The following MATCAP2 variants were observed in gnomAD, a reference collection of about 807,000 sequenced individuals.
MATCAP2 encodes the protein microtubule associated tyrosine carboxypeptidase 2, also known as putative tyrosine carboxypeptidase MATCAP2.
At chr7:36,370,638 C>T in the MATCAP2 span, among the ~76,000 whole-genome samples, 4 of 152,044 alleles carry the variant, frequency 2.6e-5, no homozygotes, top group African/African-American at 7.2e-5. Flanking sequence ...TGCGCCACCA[C>T]ACCCGGCTAA....
At chr7:36,380,886 C>CA in the MATCAP2 span, among the ~76,000 whole-genome samples, 1 of 152,194 alleles carries the variant, frequency 6.6e-6, no homozygotes, top group Non-Finnish European at 1.5e-5. Flanking sequence ...TGCTTCACTG[C>CA]ACCCAGCTAA....
chr7:36,328,269 G>A, the MATCAP2 span, among the ~76,000 whole-genome samples: 1 of 138,618 alleles, frequency 7.2e-6, no homozygotes, highest in Non-Finnish European at 1.5e-5. Context: ...ATGTTGCCCA[G>A]GCTGGTCTCG....
the MATCAP2 span, among the ~76,000 whole-genome samples, chr7:36,333,197 T>C: frequency 1.3e-5 from 2 of 152,126 alleles, no homozygotes; most frequent in African/African-American, 4.8e-5. Context: ...ATGATCAAAA[T>C]ATTGATACAT....
the MATCAP2 span, chr7:36,335,320 A>G: frequency 1.3e-6 from 1 of 799,650 alleles, no homozygotes; most frequent in Non-Finnish European, 2.0e-6. Context: ...ACCAAGAAGG[A>G]ATGTGCAGCC....
the MATCAP2 span, among the ~76,000 whole-genome samples, chr7:36,366,169 C>T: frequency 6.6e-6 from 1 of 152,160 alleles, no homozygotes; most frequent in Non-Finnish European, 1.5e-5. Flanking sequence ...CGTCATAATT[C>T]TGAACTGCCA....
the MATCAP2 span, among the ~76,000 whole-genome samples, chr7:36,365,577 G>A: frequency 6.6e-6 from 1 of 152,174 alleles, no homozygotes; most frequent in African/African-American, 2.4e-5. Flanking sequence ...GCATGCGTCT[G>A]TAATCCCAGC....
the MATCAP2 span, chr7:36,390,282 C>T: frequency 1.6e-6 from 1 of 607,406 alleles, no homozygotes; most frequent in South Asian, 2.1e-5. Context: ...TTGAGTCTGT[C>T]CTAAAAGGCT....
chr7:36,356,594 G>C, the MATCAP2 span: 3 of 525,588 alleles, frequency 5.7e-6, no homozygotes, highest in Non-Finnish European at 1.0e-5. Context: ...TCTGTAGGCG[G>C]CTAAATTGGC....
the MATCAP2 span, chr7:36,330,985 C>T: frequency 1.2e-6 from 2 of 1,602,834 alleles, no homozygotes; most frequent in Middle Eastern, 1.7e-4. Context: ...TACTCACCTT[C>T]CCGAGAGCAG....
chr7:36,334,649 G>A, the MATCAP2 span, among the ~76,000 whole-genome samples: 1 of 151,518 alleles, frequency 6.6e-6, no homozygotes, highest in Non-Finnish European at 1.5e-5. Context: ...GTGTGAAGGA[G>A]TACACTGCCT....
the MATCAP2 span, among the ~76,000 whole-genome samples, chr7:36,354,480 A>C: frequency 0.037 from 5,654 of 152,306 alleles, 142 homozygotes; most frequent in African/African-American, 0.061. Context: ...AGAGACTGTC[A>C]GCTGTGGATT....
the MATCAP2 span, among the ~76,000 whole-genome samples, chr7:36,378,775 G>A: frequency 2.8e-4 from 43 of 152,344 alleles, no homozygotes; most frequent in African/African-American, 1.0e-3. Flanking sequence ...CTTCCTGGCT[G>A]CTTTGTTTAC....
the MATCAP2 span, among the ~76,000 whole-genome samples, chr7:36,374,246 C>CT: frequency 0.095 from 13,604 of 143,004 alleles, 727 homozygotes; most frequent in East Asian, 0.16. Flanking sequence ...GCAAGGCTAA[C>CT]TTTTTTTTTT....
the MATCAP2 span, among the ~76,000 whole-genome samples, chr7:36,385,703 T>C: frequency 1.9e-4 from 29 of 151,910 alleles, no homozygotes; most frequent in African/African-American, 6.8e-4. Flanking sequence ...GGAAGATTGC[T>C]TGAGGCCAGG....
the MATCAP2 span, among the ~76,000 whole-genome samples, chr7:36,382,503 T>G: frequency 8.6e-5 from 13 of 152,044 alleles, no homozygotes; most frequent in Non-Finnish European, 1.5e-4. Context: ...TTTTTTTTTT[T>G]TTGTTTTGAG....
the MATCAP2 span, among the ~76,000 whole-genome samples, chr7:36,359,919 C>T: frequency 4.0e-5 from 6 of 151,896 alleles, no homozygotes; most frequent in East Asian, 3.9e-4. Flanking sequence ...AAAAGAAAAC[C>T]GAAATAGATA....
the MATCAP2 span, among the ~76,000 whole-genome samples, chr7:36,363,844 T>C: frequency 6.6e-6 from 1 of 152,206 alleles, no homozygotes; most frequent in African/African-American, 2.4e-5. Context: ...TGCTGGACTA[T>C]AGGTAAGCAG....
chr7:36,376,192 A>G, the MATCAP2 span, among the ~76,000 whole-genome samples: 2 of 152,100 alleles, frequency 1.3e-5, no homozygotes, highest in South Asian at 2.1e-4. Flanking sequence ...TAGGGTGTCA[A>G]TTTTAGATCT....
At chr7:36,345,837 A>C in the MATCAP2 span, among the ~76,000 whole-genome samples, 1 of 152,232 alleles carries the variant, frequency 6.6e-6, no homozygotes, top group Non-Finnish European at 1.5e-5. Flanking sequence ...CACAAACAAC[A>C]AAAAGATAAG....
Sources: gnomAD v4.1 joint callset for allele counts (sites outside exome capture counted in the v4.1 genomes callset) on GRCh38, gnomAD v4.1.1 for gene constraint, MANE v1.5 for transcripts, NCBI Gene and HGNC (gene_info 2026-07-23, HGNC 2026-07-21) for gene names.